The following SORCS1 variants were observed in gnomAD, a reference collection of about 807,000 sequenced individuals.
SORCS1 encodes the protein VPS10 domain-containing receptor SorCS1.
SORCS1 carries 60 observed loss-of-function variants against 146.1 expected under a neutral mutation model. The ratio of observed to expected loss-of-function variants is 0.41; its 90% CI spans 0.33 to 0.51. SORCS1 has a LOEUF of 0.51. SORCS1 is among the 20% of genes least tolerant of loss of function. The probability of loss-of-function intolerance (pLI) is 0.21; values close to 1 mark genes in which losing one functional copy is unlikely to be tolerated. For missense variants in SORCS1, 1,352 were observed against 1,487.6 expected (o/e 0.91, Z 1.50); for synonymous variants, 637 against 584.0 (o/e 1.09, Z -1.31).
chr10:106,614,795 G>T (rs1328590362), intron 21 of SORCS1, among the ~76,000 whole-genome samples: 1 of 152,156 alleles, frequency 6.6e-6, no homozygotes, highest in Non-Finnish European at 1.5e-5. Flanking sequence ...GTTGATTCAA[G>T]AAATAGGGGA....
intron 6 of SORCS1, among the ~76,000 whole-genome samples, chr10:106,710,432 G>GAAAAAAAAAA (rs33978828): frequency 7.9e-6 from 1 of 126,832 alleles, no homozygotes; most frequent in Non-Finnish European, 1.6e-5. Flanking sequence ...TGGGTGACAG[G>GAAAAAAAAAA]AAAAAAAAAA....
At chr10:107,093,383 C>T (rs772645006) in intron 1 of SORCS1, among the ~76,000 whole-genome samples, 1 of 152,188 alleles carries the variant, frequency 6.6e-6, no homozygotes, top group African/African-American at 2.4e-5. Flanking sequence ...ACTTACAAAG[C>T]GAGTCTTTCG....
chr10:106,803,634 T>G (rs1947021980), intron 3 of SORCS1, among the ~76,000 whole-genome samples: 1 of 152,170 alleles, frequency 6.6e-6, no homozygotes. Context: ...AATGATACAT[T>G]TTGGTGTCTC....
chr10:106,761,964 TAA>T (rs1300003724), intron 4 of SORCS1, among the ~76,000 whole-genome samples: 3 of 152,232 alleles, frequency 2.0e-5, no homozygotes, highest in Non-Finnish European at 4.4e-5. Context: ...TGCCTGGCGA[TAA>T]AGTCAGCTGT....
intron 2 of SORCS1, among the ~76,000 whole-genome samples, chr10:106,928,179 G>C (rs1350974480): frequency 6.6e-6 from 1 of 152,202 alleles, no homozygotes; most frequent in Non-Finnish European, 1.5e-5. Context: ...GGGGAGGCTC[G>C]GGCCGCACAG....
chr10:106,725,587 T>TAAATA (rs758639964), intron 6 of SORCS1, among the ~76,000 whole-genome samples: 4 of 149,686 alleles, frequency 2.7e-5, no homozygotes, highest in Admixed American at 6.7e-5. Flanking sequence ...AATAAATAAA[T>TAAATA]AATAACAGTA....
chr10:107,047,368 G>A (rs1178246318), intron 1 of SORCS1, among the ~76,000 whole-genome samples: 1 of 152,126 alleles, frequency 6.6e-6, no homozygotes, highest in African/African-American at 2.4e-5. Flanking sequence ...AGTGGATGTC[G>A]ATAAGCCCAC....
intron 1 of SORCS1, among the ~76,000 whole-genome samples, chr10:107,035,263 AAAAAAAAAAAAACAAC>A (rs1422172743): frequency 2.2e-5 from 3 of 135,148 alleles, no homozygotes; most frequent in East Asian, 2.1e-4. Flanking sequence ...GTGAAGCTTC[AAAAAAAAAAAAACAAC>A]AAAAAAAAAA....
At chr10:107,138,325 C>T (rs758022533) in intron 1 of SORCS1, among the ~76,000 whole-genome samples, 25 of 152,168 alleles carry the variant, frequency 1.6e-4, no homozygotes, top group South Asian at 6.2e-4. Context: ...TACTTGGTGA[C>T]TAGGATCTGA....
chr10:107,098,337 G>A (rs952354270), intron 1 of SORCS1, among the ~76,000 whole-genome samples: 3 of 152,186 alleles, frequency 2.0e-5, no homozygotes, highest in African/African-American at 7.2e-5. Context: ...GACAATAAGA[G>A]GTCCAGAAAC....
chr10:106,823,656 T>A (rs993058827), intron 3 of SORCS1, among the ~76,000 whole-genome samples: 1 of 152,150 alleles, frequency 6.6e-6, no homozygotes, highest in African/African-American at 2.4e-5. Context: ...TTAGACATGG[T>A]CAAGAACAAC....
At chr10:106,822,782 G>GTTTTTTTTTTTTTTTTTTTTTTTTT (rs1158921880) in intron 3 of SORCS1, among the ~76,000 whole-genome samples, 3 of 113,168 alleles carry the variant, frequency 2.7e-5, no homozygotes, top group African/African-American at 3.8e-5. Flanking sequence ...TTCATGTGTG[G>GTTTTTTTTTTTTTTTTTTTTTTTTT]TTTTTTTTTT....
chr10:107,023,875 TA>T (rs1020710606), intron 1 of SORCS1, among the ~76,000 whole-genome samples: 4 of 151,442 alleles, frequency 2.6e-5, no homozygotes, highest in Admixed American at 1.3e-4. Context: ...TGTGTTGCTC[TA>T]AAAAAAAGAG....
At chr10:106,783,900 G>C (rs77323019) in intron 3 of SORCS1, among the ~76,000 whole-genome samples, 1,570 of 152,138 alleles carry the variant, frequency 0.01, 25 homozygotes, top group African/African-American at 0.035. Flanking sequence ...ATGCTAGTTC[G>C]CAAAGAAGTT....
intron 17 of SORCS1, among the ~76,000 whole-genome samples, chr10:106,659,845 C>T (rs1850590453): frequency 6.6e-6 from 1 of 152,128 alleles, no homozygotes; most frequent in Admixed American, 6.5e-5. Context: ...CAGTGTCATG[C>T]ATGAAAAGAT....
intron 18 of SORCS1, among the ~76,000 whole-genome samples, chr10:106,649,559 T>C (rs1362906815): frequency 6.6e-6 from 1 of 152,252 alleles, no homozygotes; most frequent in East Asian, 1.9e-4. Flanking sequence ...TTTCAGCAGT[T>C]TGAATGTAAT....
At chr10:107,165,061 C>T (rs942586430), upstream of SORCS1, among the ~76,000 whole-genome samples, 1 of 152,016 alleles carries the variant, frequency 6.6e-6, no homozygotes, top group African/African-American at 2.4e-5. This position sits in a 1 kb window ranked among gnomAD's most constrained non-coding sequence, Gnocchi z 4.0. Context: ...GCTTCCTATT[C>T]CTGCTTTATT....
At chr10:106,954,948 AAGG>A (rs1179005935) in intron 2 of SORCS1, among the ~76,000 whole-genome samples, 1 of 152,224 alleles carries the variant, frequency 6.6e-6, no homozygotes, top group Admixed American at 6.5e-5. Flanking sequence ...GCGAGTGAGA[AAGG>A]AGCTGTAATA....
intron 1 of SORCS1, among the ~76,000 whole-genome samples, chr10:106,979,356 T>C (rs902019434): frequency 6.6e-6 from 1 of 152,150 alleles, no homozygotes; most frequent in African/African-American, 2.4e-5. Flanking sequence ...CACAGAATTC[T>C]AGAGAATTCT....
Sources: gnomAD v4.1 joint callset for allele counts (sites outside exome capture counted in the v4.1 genomes callset) on GRCh38, gnomAD v4.1.1 for gene constraint, Gnocchi (gnomAD v3.1) non-coding constraint, MANE v1.5 for transcripts, NCBI Gene and HGNC (gene_info 2026-07-23, HGNC 2026-07-21) for gene names.